Variants in COL5A1 observed in about 807,000 individuals in gnomAD.
COL5A1 encodes the protein collagen type V alpha 1 chain, also known as collagen alpha-1(V) chain.
Under a neutral mutation model 263.7 loss-of-function variants are expected in COL5A1, and 16 were observed. The ratio of observed to expected loss-of-function variants is 0.06; its 90% confidence interval spans 0.04 to 0.09. COL5A1 has a LOEUF of 0.09. Among genes scored for constraint, COL5A1 ranks in the 10% least tolerant of loss-of-function variants. COL5A1 has a pLI of 1.00. For missense variants in COL5A1, 2,036 were observed against 2,540.5 expected (o/e 0.80, Z 4.27); for synonymous variants, 1,012 against 1,004.5 (o/e 1.01, Z -0.14).
rs753617964 is a variant in COL5A1 at position 134,821,213 on chromosome 9, G to A, written c.4555-884G>A. On this transcript the variant is annotated intron_variant, in intron 58 of 65. Coordinates refer to ENST00000371817, the MANE Select transcript of COL5A1 (RefSeq NM_000093.5). The surrounding 1 kb of genome is among the most constrained non-coding windows in gnomAD (Gnocchi z 4.2). ...TTAGAGAGGCATCCAGGGTCCCCAC[G>A]GCCAGCGGGGAAAGCACCCCTGTGT... is the stretch of plus-strand genomic sequence containing the variant. Among the ~76,000 whole-genome samples, 8 of 151,754 alleles carry A rather than the reference G, an allele frequency of 5.3e-5. No individual in the cohort carries two copies. The highest frequency in any genetic ancestry group is 1.2e-4 in the Non-Finnish European group (8 of 67,850).
At chr9:134,816,937 G>GT (rs1564479211) in intron 52 of COL5A1, 89 bp from the exon 53 acceptor site, 1 of 1,227,146 alleles carries the variant, frequency 8.1e-7, no homozygotes, top group African/African-American at 1.5e-5. Context: ...TGGCCGAGGA[G>GT]TAAATAGACT....
In COL5A1 at chr9:134,842,018, C is replaced by T. The variant is rs369529482; in HGVS notation, c.5371-139C>T. ...TCAGCCATATTTCCTCCAACACTTG[C>T]CCGGGCAAGCGCAGCCCTGGGTAGG... On this transcript the variant is annotated intron_variant, in intron 65 of 65. Coordinates refer to ENST00000371817, the MANE Select transcript of COL5A1 (RefSeq NM_000093.5). The surrounding 1 kb of genome is among the most constrained non-coding windows in gnomAD (Gnocchi z 5.8). 7.6e-6 allele frequency: 7 copies of T among 920,958 alleles called. No individual in the cohort carries two copies. Among genetic ancestry groups the T allele is most frequent in the Admixed American group, 2.0e-5 (1 of 50,578 alleles). 57.0% of individuals were successfully genotyped at this position (920,958 alleles called of 1,614,324 possible). A position where few individuals can be genotyped will look rare whatever the true frequency, so the allele number is the denominator to read the frequency against.
intron 64 of COL5A1, among the ~76,000 whole-genome samples, chr9:134,832,379 C>T (rs1839672441): frequency 6.6e-6 from 1 of 152,146 alleles, no homozygotes; most frequent in South Asian, 2.1e-4. Flanking sequence ...GCACTCCATC[C>T]TGGGGGACAG....
In COL5A1 at chr9:134,677,015, C is replaced by G. The variant is rs1448175570; in HGVS notation, c.110-13897C>G. Among the ~76,000 whole-genome samples the G allele has an allele frequency of 6.6e-6, 1 of 152,178 alleles. No homozygotes were observed. The highest frequency in any genetic ancestry group is 1.5e-5 in the Non-Finnish European group (1 of 68,046). On this transcript the variant is annotated intron_variant, in intron 1 of 65. Transcript: ENST00000371817. The surrounding 1 kb of genome is among the most constrained non-coding windows in gnomAD (Gnocchi z 4.4). ...CTGGGAAATAGCAAGTCCCTTGGAG[C>G]ACCTGCTGCCAGTCCTGGGCTTGGG... is the stretch of plus-strand genomic sequence containing the variant.
Position 134,765,166 on chromosome 9 carries a change from ACATT to A in COL5A1, c.2035-512_2035-509del, listed in dbSNP as rs1460021673. On this transcript the variant is annotated intron_variant, in intron 20 of 65. Transcript: ENST00000371817. This position sits in a 1 kb window ranked among gnomAD's most constrained non-coding sequence, Gnocchi z 5.1. ...ATCTGTACCCCACGCCTCCTTCTGC[ACATT>A]CAGTCTTGGGGTTCCCACCAGGGAC... 2.0e-5 allele frequency among the ~76,000 whole-genome samples: 3 copies of A among 152,166 alleles called. No homozygotes were observed. The highest frequency in any genetic ancestry group is 6.5e-5 in the Admixed American group (1 of 15,278).
chr9:134,664,609 GAA>G lies in COL5A1; in HGVS notation c.109+22314_109+22315del, dbSNP rs548167972. Reference sequence around the variant, plus strand: ...ATGTTAGACTTTACTCACAAGGAGAGAATGGAGGTGAATCCCCAGGGAGAGGC... The same window carrying G: ...ATGTTAGACTTTACTCACAAGGAGAGTGGAGGTGAATCCCCAGGGAGAGGC... On this transcript the variant is annotated intron_variant, in intron 1 of 65. Transcript: ENST00000371817. Among the ~76,000 whole-genome samples the G allele has an allele frequency of 1.1e-3, 164 of 152,362 alleles. 1 individual carries two copies. The highest frequency in any genetic ancestry group is 2.1e-3 in the Non-Finnish European group (140 of 68,042).
Position 134,703,918 on chromosome 9 carries a change from C to T in COL5A1, c.654+2585C>T, listed in dbSNP as rs373900572. On this transcript the variant is annotated intron_variant, in intron 4 of 65. Coordinates refer to ENST00000371817, the MANE Select transcript of COL5A1 (RefSeq NM_000093.5). ...CCTCCCACAGTGCTGGGATTGCAGG[C>T]GTGAGCCACCGCGCCCGGCCTCAGG... Among the ~76,000 whole-genome samples the T allele has an allele frequency of 1.6e-4, 25 of 152,148 alleles. No individual in the cohort carries two copies. In the East Asian group the frequency reaches 4.1e-3, roughly 25 times the overall value.
At chr9:134,661,601 G>A (rs1188694264) in intron 1 of COL5A1, among the ~76,000 whole-genome samples, 5 of 151,892 alleles carry the variant, frequency 3.3e-5, no homozygotes, top group African/African-American at 9.7e-5. Flanking sequence ...TCTCTTAGAC[G>A]CCAGTGTCCC....
In COL5A1 at chr9:134,647,384, T is replaced by C. The variant is rs918406485; in HGVS notation, c.109+5088T>C. Among the ~76,000 whole-genome samples the C allele has an allele frequency of 2.0e-5, 3 of 152,116 alleles. No individual in the cohort carries two copies. Among genetic ancestry groups the C allele is most frequent in the Non-Finnish European group, 4.4e-5 (3 of 68,014 alleles). On this transcript the variant is annotated intron_variant, in intron 1 of 65. Transcript: ENST00000371817. This position sits in a 1 kb window ranked among gnomAD's most constrained non-coding sequence, Gnocchi z 5.0. Reference sequence around the variant, plus strand: ...TGTATGTGTGTCATGTGTGCGTGTGTGTGTGTGTGTGTCAGGCCGTGTGCA... The same window carrying C: ...TGTATGTGTGTCATGTGTGCGTGTGCGTGTGTGTGTGTCAGGCCGTGTGCA...
In COL5A1 at chr9:134,782,734, G is replaced by A. The variant is rs371753763; in HGVS notation, c.2484+14G>A. The A allele has an allele frequency of 3.7e-5, 58 of 1,587,820 alleles. No individual in the cohort carries two copies. The African/African-American group carries it at 7.0e-4, about 19-fold the overall frequency. ...AAGGGTGATCGGGTGAGCATCTCAG[G>A]TTTGGGATTTGGGCTGGGGAAAGCT... is the stretch of plus-strand genomic sequence containing the variant. On this transcript the variant is annotated intron_variant, in intron 29 of 65. Transcript: ENST00000371817.
chr9:134,750,147 T>C (rs1835720617), intron 11 of COL5A1, among the ~76,000 whole-genome samples: 1 of 152,176 alleles, frequency 6.6e-6, no homozygotes, highest in Non-Finnish European at 1.5e-5. Context: ...GCCTTGAGCC[T>C]GGAGTCTTTG....
chr9:134,713,727 A>T (rs1359434239), intron 4 of COL5A1, among the ~76,000 whole-genome samples: 1 of 152,196 alleles, frequency 6.6e-6, no homozygotes, highest in Non-Finnish European at 1.5e-5. Flanking sequence ...GGCCACAGGA[A>T]TGCACGCTGT....
rs1161486791 is a variant in COL5A1, at chr9:134,789,836, T to A, written c.2700+628T>A. 2.0e-5 allele frequency among the ~76,000 whole-genome samples: 3 copies of A among 152,176 alleles called. No homozygotes were observed. The highest frequency in any genetic ancestry group is 2.9e-5 in the Non-Finnish European group (2 of 68,042). On this transcript the variant is annotated intron_variant, in intron 32 of 65. Coordinates refer to ENST00000371817, the MANE Select transcript of COL5A1 (RefSeq NM_000093.5). The surrounding 1 kb of genome is among the most constrained non-coding windows in gnomAD (Gnocchi z 4.8). ...TGCAGGAGCGGTCCTGGATGCTTGT[T>A]AGTGAAATCACAGTGCCTGAGCATT... is the stretch of plus-strand genomic sequence containing the variant.
At chr9:134,643,696 G>T (rs1208148583) in intron 1 of COL5A1, among the ~76,000 whole-genome samples, 2 of 152,162 alleles carry the variant, frequency 1.3e-5, no homozygotes, top group African/African-American at 4.8e-5. Flanking sequence ...TTAGCTGAAG[G>T]TGGGGGACAA....
At chr9:134,701,424 CG>C (rs777984493) in intron 4 of COL5A1, 91 bp downstream of exon 4, 9 of 1,343,646 alleles carry the variant, frequency 6.7e-6, no homozygotes, top group Non-Finnish European at 9.4e-6. Context: ...CTCCTCGGGC[CG>C]GGACCGGCTG....
At position 134,741,628 on chromosome 9, in the gene COL5A1, G is replaced by A. The variant is rs1003161178; in HGVS notation, c.1494+2820G>A. 6.6e-6 allele frequency among the ~76,000 whole-genome samples: 1 copy of A among 152,114 alleles called. No individual in the cohort carries two copies. The highest frequency in any genetic ancestry group is 1.5e-5 in the Non-Finnish European group (1 of 68,026). On this transcript the variant is annotated intron_variant, in intron 11 of 65. Transcript: ENST00000371817. The surrounding 1 kb of genome is among the most constrained non-coding windows in gnomAD (Gnocchi z 4.5). ...AGGCAGGAGGGTGGGGTGGGAGGAG[G>A]GGGTAATGCCCTGCTTTTAGGCAGA...
chr9:134,817,113 A>C, intron 53 of COL5A1, 34 bp downstream of exon 53: 1 of 1,600,292 alleles, frequency 6.2e-7, no homozygotes, highest in Non-Finnish European at 8.6e-7. Flanking sequence ...CTTGCTGTCA[A>C]ATCCCTGCAT....
intron 37 of COL5A1, among the ~76,000 whole-genome samples, chr9:134,800,758 A>C (rs1170458568): frequency 3.3e-5 from 5 of 150,414 alleles, no homozygotes; most frequent in African/African-American, 1.2e-4. Flanking sequence ...ACAAAAAAAA[A>C]AAAAAAAAAA....
In COL5A1 at chr9:134,811,605, T is replaced by A. The variant is rs375998368; in HGVS notation, c.3690+6T>A. 108 of 1,551,100 alleles carry A rather than the reference T, an allele frequency of 7.0e-5. No individual in the cohort carries two copies. The African/African-American group carries it at 1.3e-3, about 18-fold the overall frequency. On this transcript the variant is annotated splice_donor_region_variant and intron_variant, in intron 46 of 65. Coordinates refer to ENST00000371817, the MANE Select transcript of COL5A1 (RefSeq NM_000093.5). The stretch of plus-strand genomic sequence containing the variant: ...CTGGGCCAGTGGGGCTGCAGGTAAC[T>A]GTGGGGTTCTCACCACACCGGGCTC...
Sources: allele counts gnomAD v4.1 joint callset (sites outside exome capture counted in the v4.1 genomes callset), GRCh38; gene constraint gnomAD v4.1.1; non-coding constraint Gnocchi (gnomAD v3.1); transcripts MANE v1.5; gene names NCBI Gene and HGNC (gene_info 2026-07-23, HGNC 2026-07-21).